Variants in MS4A6A observed in about 807,000 individuals in gnomAD.
MS4A6A encodes the protein membrane-spanning 4-domains subfamily A member 6A.
A neutral mutation model predicts 20.6 loss-of-function variants in MS4A6A; 19 were observed. That is an observed-to-expected ratio of 0.92 (90% CI 0.64 to 1.36). The LOEUF (loss-of-function observed/expected upper bound fraction) is 1.36. Among genes scored for constraint, MS4A6A ranks in the 40% most tolerant of loss-of-function variants. MS4A6A has a pLI of 0.00. For missense variants in MS4A6A, 272 were observed against 261.1 expected, an observed-to-expected ratio of 1.04 and a Z score of -0.29; for synonymous variants, 108 against 105.0, an observed-to-expected ratio of 1.03 and a Z score of -0.17.
Position 60,178,320 on chromosome 11 carries a change from A to C in MS4A6A, c.283-4T>G. 1 of 1,613,282 alleles carries C rather than the reference A, an allele frequency of 6.2e-7. No individual in the cohort carries two copies. The highest frequency in any genetic ancestry group is 8.5e-7 in the Non-Finnish European group (1 of 1,179,278). ...ATAGAGAGCCAGAGATGATAAACTA[A>C]GATAAAAGAGAAAATGGTCAGGTCA... is the stretch of plus-strand genomic sequence containing the variant. On this transcript the variant is annotated splice_polypyrimidine_tract_variant and splice_region_variant and intron_variant, in intron 3 of 5. Transcript: ENST00000528851.
At position 60,172,638 on chromosome 11, in the gene MS4A6A, G is replaced by T; in HGVS notation, c.*363C>A. On this transcript the variant is annotated 3_prime_UTR_variant, in exon 6 of 6. Coordinates refer to ENST00000528851, the MANE Select transcript of MS4A6A (RefSeq NM_022349.4). Reference sequence around the variant, plus strand: ...CCTTTACCAAGTCAATACTATTAAAGAGACTAGTGGTTGTGGCAGAAATTG... The same window carrying T: ...CCTTTACCAAGTCAATACTATTAAATAGACTAGTGGTTGTGGCAGAAATTG... 2 of 1,151,726 alleles carry T rather than the reference G, an allele frequency of 1.7e-6. No individual in the cohort carries two copies. Among genetic ancestry groups the T allele is most frequent in the Non-Finnish European group, 2.2e-6 (2 of 928,330 alleles). 71.3% of individuals were successfully genotyped at this position (1,151,726 alleles called of 1,614,324 possible).
downstream of MS4A6A, chr11:60,172,035 T>A (rs1590661062): frequency 1.1e-6 from 1 of 937,126 alleles, no homozygotes; most frequent in East Asian, 2.5e-5. Context: ...TAATGGTTTT[T>A]TTTAATGTTC....
chr11:60,180,077 A>G (rs1377876299), intron 2 of MS4A6A, 112 bp from the exon 3 acceptor site: 9 of 1,085,372 alleles, frequency 8.3e-6, no homozygotes, highest in Non-Finnish European at 1.2e-5. Context: ...GATCCTAATG[A>G]GGATACAAAC....
chr11:60,180,189 A>G, intron 2 of MS4A6A: 1 of 572,016 alleles, frequency 1.7e-6, no homozygotes, highest in South Asian at 2.3e-5. Context: ...GTGCTCAGGA[A>G]GGCTTCTGCA....
intron 2 of MS4A6A, chr11:60,180,282 A>G (rs939910565): frequency 8.4e-6 from 3 of 355,286 alleles, no homozygotes; most frequent in African/African-American, 6.3e-5. Context: ...CCCAGCTCTC[A>G]GGACCTCTAA....
chr11:60,176,849 G>A (rs1019242839), intron 4 of MS4A6A, among the ~76,000 whole-genome samples: 4 of 152,088 alleles, frequency 2.6e-5, no homozygotes, highest in Admixed American at 2.6e-4. Flanking sequence ...TGGTAAGTCT[G>A]AGCCCACCCC....
upstream of MS4A6A, chr11:60,183,592 A>G (rs581818): frequency 0.91 from 140,781 of 153,996 alleles, 64,925 homozygotes; most frequent in Non-Finnish European, 0.97. Context: ...AACATAAAAA[A>G]ACTTTTAAAA....
In MS4A6A at chr11:60,178,070, G is replaced by T. The variant is rs965352402; in HGVS notation, c.339+190C>A. On this transcript the variant is annotated intron_variant, in intron 4 of 5. Coordinates refer to ENST00000528851, the MANE Select transcript of MS4A6A (RefSeq NM_022349.4). The stretch of plus-strand genomic sequence containing the variant: ...CCCTGAATGCAGACTTTGATGTAGG[G>T]TACAATAATTGGAGAAATGTTCTCT... 12 of 600,040 alleles carry T rather than the reference G, an allele frequency of 2.0e-5. No homozygotes were observed. In the Admixed American group the frequency reaches 3.8e-4, roughly 19 times the overall value. 37.2% of individuals were successfully genotyped at this position (600,040 alleles called of 1,614,324 possible).
At position 60,181,744 on chromosome 11, in the gene MS4A6A, AT is replaced by A. The variant is rs968358838; in HGVS notation, c.-14-4del. On this transcript the variant is annotated splice_region_variant and splice_polypyrimidine_tract_variant and intron_variant, in intron 1 of 5. Coordinates refer to ENST00000528851, the MANE Select transcript of MS4A6A (RefSeq NM_022349.4). Reference sequence around the variant, plus strand: ...TGATGTCATGATGGTGTTGCCAACTATGTAAGAAAAAATAGATTTAGCTCTT... The same window carrying A: ...TGATGTCATGATGGTGTTGCCAACTAGTAAGAAAAAATAGATTTAGCTCTT... 1.1e-5 allele frequency: 18 copies of A among 1,613,250 alleles called. No homozygotes were observed. Among genetic ancestry groups the A allele is most frequent in the Non-Finnish European group, 1.0e-5 (12 of 1,179,486 alleles).
chr11:60,178,323 T>C lies in MS4A6A; in HGVS notation c.283-7A>G. Reference sequence around the variant, plus strand: ...GAGAGCCAGAGATGATAAACTAAGATAAAAGAGAAAATGGTCAGGTCAGAT... The same window carrying C: ...GAGAGCCAGAGATGATAAACTAAGACAAAAGAGAAAATGGTCAGGTCAGAT... On this transcript the variant is annotated splice_polypyrimidine_tract_variant and splice_region_variant and intron_variant, in intron 3 of 5. Coordinates refer to ENST00000528851, the MANE Select transcript of MS4A6A (RefSeq NM_022349.4). 6.2e-7 allele frequency: 1 copy of C among 1,613,116 alleles called. No homozygotes were observed. Among genetic ancestry groups the C allele is most frequent in the Non-Finnish European group, 8.5e-7 (1 of 1,179,208 alleles).
intron 5 of MS4A6A, among the ~76,000 whole-genome samples, chr11:60,174,079 T>C (rs1856716220): frequency 6.6e-6 from 1 of 152,254 alleles, no homozygotes; most frequent in Middle Eastern, 3.2e-3. Context: ...GAAATTTCTC[T>C]TCAGAATTTT....
intron 4 of MS4A6A, among the ~76,000 whole-genome samples, chr11:60,176,463 C>T (rs1368526625): frequency 6.6e-6 from 1 of 152,110 alleles, no homozygotes; most frequent in African/African-American, 2.4e-5. Context: ...ATAAACTAAC[C>T]TCAGAAGTGA....
intron 2 of MS4A6A, 94 bp downstream of exon 2, chr11:60,181,487 C>T (rs1857130395): frequency 2.0e-6 from 3 of 1,521,428 alleles, no homozygotes; most frequent in Admixed American, 1.9e-5. Flanking sequence ...ATTTTAGGGT[C>T]TCCACACTCA....
chr11:60,173,048 C>A lies in MS4A6A; in HGVS notation c.631G>T (p.Ala211Ser). The A allele has an allele frequency of 1.9e-6, 3 of 1,614,108 alleles. No homozygotes were observed. The East Asian group carries it at 6.7e-5, about 36-fold the overall frequency. The stretch of plus-strand genomic sequence containing the variant: ...CTCACCCCAGGGAAGTCAGAGTAAG[C>A]CTGTTTCCACCGCAGCACAGCAGTG... ...VLTAVLRWKQ[A>S]YSDFPGVSVL... is the part of the protein sequence containing the mutation. Residue 211 changes from alanine to serine, a missense_variant, in exon 6 of 6, where the codon GCT becomes TCT. Physicochemically the swap from Ala to Ser is moderately conservative, Grantham distance 99. Transcript: ENST00000528851.
intron 5 of MS4A6A, among the ~76,000 whole-genome samples, chr11:60,174,326 C>CTTT (rs5792171): frequency 4.2e-5 from 6 of 142,038 alleles, no homozygotes; most frequent in Non-Finnish European, 7.7e-5. Context: ...TTCTTTATTC[C>CTTT]TTTTTTTTTT....
At chr11:60,173,253 C>T (rs1356610042) in intron 5 of MS4A6A, 124 bp from the exon 6 acceptor site, 1 of 824,074 alleles carries the variant, frequency 1.2e-6, no homozygotes, top group African/African-American at 1.7e-5. Flanking sequence ...AGGACACCAT[C>T]AGGAAGATAA....
intron 4 of MS4A6A, chr11:60,177,564 G>T (rs758659733): frequency 1.3e-4 from 18 of 137,316 alleles, no homozygotes; most frequent in African/African-American, 2.7e-4. Flanking sequence ...TTTGTTTTTT[G>T]TTGTTGTTGT....
In MS4A6A at chr11:60,181,670, T is replaced by G. The variant is rs148195696; in HGVS notation, c.58A>C (p.Asn20His). The G allele has an allele frequency of 3.0e-5, 49 of 1,614,104 alleles. No individual in the cohort carries two copies. In the African/African-American group the frequency reaches 6.1e-4, roughly 20 times the overall value. Residue 20 changes from asparagine (N) to histidine (H), a missense_variant, in exon 2 of 6, where the codon AAC becomes CAC. By Grantham distance (68) the Asn-to-His change is moderately conservative. Coordinates refer to ENST00000528851, the MANE Select transcript of MS4A6A (RefSeq NM_022349.4). ...TCGGGTTTCTCTGCTTGGGAGAAGT[T>G]GATGACATTTGATGGGAGCACTATG... ...TIIVLPSNVINFSQAEKPEPT... is the reference protein window; with the variant it reads ...TIIVLPSNVIHFSQAEKPEPT...
At chr11:60,181,800 C>T in intron 1 of MS4A6A, 59 bp from the exon 2 acceptor site, 1 of 1,537,458 alleles carries the variant, frequency 6.5e-7, no homozygotes, top group Non-Finnish European at 8.9e-7. Context: ...GGTTCTGACT[C>T]CAAAAACAGT....
Sources: allele counts gnomAD v4.1 joint callset (sites outside exome capture counted in the v4.1 genomes callset), GRCh38; gene constraint gnomAD v4.1.1; transcripts MANE v1.5; gene names NCBI Gene and HGNC (gene_info 2026-07-23, HGNC 2026-07-21).